MYRFL: variants seen among roughly 807,000 people sequenced by gnomAD.
MYRFL encodes myelin regulatory factor-like protein.
In MYRFL, 88 loss-of-function variants were observed where a neutral mutation model predicts 109.4. The ratio of observed to expected loss-of-function variants is 0.80; its 90% CI spans 0.68 to 0.96. The LOEUF (loss-of-function observed/expected upper bound fraction) is 0.96. Ranked by LOEUF, MYRFL falls within the 40% of genes least tolerant of loss-of-function variation. The pLI, the probability that MYRFL is intolerant of heterozygous loss-of-function variation, is 0.00. For synonymous variants in MYRFL, 324 were observed against 320.9 expected (o/e 1.01, Z -0.10); for missense variants, 957 against 954.9 (o/e 1.00, Z -0.03).
rs149327858 is a variant in MYRFL, at chr12:69,928,659, A to G, written c.1830+911A>G. On this transcript the variant is annotated intron_variant, in intron 15 of 24. Coordinates refer to ENST00000552032, the MANE Select transcript of MYRFL (RefSeq NM_182530.3). The stretch of plus-strand genomic sequence containing the variant: ...AACACAAATACCCAGGTAAAAATAT[A>G]CGTAGAAGTGCTCTGGGGCAAGTTA... 3.3e-4 allele frequency among the ~76,000 whole-genome samples: 51 copies of G among 152,350 alleles called. No individual in the cohort carries two copies. The East Asian group carries it at 5.4e-3, about 16-fold the overall frequency.
Position 69,840,079 on chromosome 12 carries a change from A to G in MYRFL, c.46+14516A>G, listed in dbSNP as rs1346212248. Among the ~76,000 whole-genome samples, 4 of 152,330 alleles carry G rather than the reference A, an allele frequency of 2.6e-5. No individual in the cohort carries two copies. In the South Asian group the frequency reaches 6.2e-4, roughly 24 times the overall value. ...AAATTTCCCCATATTATATTTACAT[A>G]ATTAGAAAAACCGATGCAAACATGT... On this transcript the variant is annotated intron_variant, in intron 1 of 24. Transcript: ENST00000552032.
chr12:69,931,743 C>T (rs753721198), intron 15 of MYRFL, among the ~76,000 whole-genome samples: 21 of 152,166 alleles, frequency 1.4e-4, no homozygotes, highest in Non-Finnish European at 2.5e-4. Context: ...GGGCAGAAAA[C>T]TTCTATCTCT....
chr12:69,845,804 A>C (rs1883496250), intron 1 of MYRFL, among the ~76,000 whole-genome samples: 4 of 152,050 alleles, frequency 2.6e-5, no homozygotes, highest in Admixed American at 6.5e-5. Context: ...AAAAAAAAAA[A>C]AAAAAACCTT....
chr12:69,932,883 T>TG (rs1555257501), intron 16 of MYRFL, among the ~76,000 whole-genome samples: 51 of 52,692 alleles, frequency 9.7e-4, no homozygotes, highest in African/African-American at 2.4e-3. Flanking sequence ...GTGTGTGTGT[T>TG]TGTGTGTGTG....
At chr12:69,906,227 T>A (rs1421769989) in intron 11 of MYRFL, among the ~76,000 whole-genome samples, 1 of 152,126 alleles carries the variant, frequency 6.6e-6, no homozygotes, top group Non-Finnish European at 1.5e-5. Context: ...GTGGGGGAGA[T>A]CTCTGATGCT....
At chr12:69,854,205 C>T (rs1051995631) in intron 1 of MYRFL, among the ~76,000 whole-genome samples, 1 of 152,006 alleles carries the variant, frequency 6.6e-6, no homozygotes, top group African/African-American at 2.4e-5. Flanking sequence ...ACCAGTCAGG[C>T]GTGGCGGCGC....
intron 2 of MYRFL, among the ~76,000 whole-genome samples, chr12:69,863,173 TG>T (rs1320115234): frequency 2.0e-5 from 3 of 152,152 alleles, no homozygotes; most frequent in Non-Finnish European, 4.4e-5. Flanking sequence ...TGAGGATTTT[TG>T]CATCAGTGTT....
Position 69,885,146 on chromosome 12 carries a change from T to C in MYRFL, c.557-1674T>C, listed in dbSNP as rs11177925. ...AAAATATTTTAGACCACTTAGCTTT[T>C]GGAGGAGTGAGAGCACGAAGAGCTC... On this transcript the variant is annotated intron_variant, in intron 5 of 24. Coordinates refer to ENST00000552032, the MANE Select transcript of MYRFL (RefSeq NM_182530.3). Among the ~76,000 whole-genome samples, 63 of 152,300 alleles carry C rather than the reference T, an allele frequency of 4.1e-4. No homozygotes were observed. The East Asian group carries it at 0.012, about 29-fold the overall frequency.
intron 1 of MYRFL, among the ~76,000 whole-genome samples, chr12:69,843,784 G>A (rs958360959): frequency 6.6e-6 from 1 of 152,226 alleles, no homozygotes; most frequent in Non-Finnish European, 1.5e-5. Context: ...CAGAGAATGA[G>A]GGTGAGGAAG....
chr12:69,847,119 T>C (rs1275269266), intron 1 of MYRFL, among the ~76,000 whole-genome samples: 2 of 152,166 alleles, frequency 1.3e-5, no homozygotes, highest in African/African-American at 2.4e-5. Flanking sequence ...TTGGTAATTG[T>C]CTGGTGGGGT....
intron 1 of MYRFL, among the ~76,000 whole-genome samples, chr12:69,831,943 T>C (rs759580209): frequency 1.3e-5 from 2 of 152,122 alleles, no homozygotes; most frequent in Non-Finnish European, 2.9e-5. Flanking sequence ...GCAGGCTAGG[T>C]TGTCTTTGGT....
chr12:69,850,502 C>T (rs149450412), intron 1 of MYRFL, among the ~76,000 whole-genome samples: 1 of 151,688 alleles, frequency 6.6e-6, no homozygotes, highest in African/African-American at 2.4e-5. Flanking sequence ...AGGATTCTTC[C>T]AAGATTAAGG....
intron 1 of MYRFL, among the ~76,000 whole-genome samples, chr12:69,839,482 T>G (rs1883126243): frequency 6.6e-6 from 1 of 152,210 alleles, no homozygotes; most frequent in Non-Finnish European, 1.5e-5. Flanking sequence ...ATGTTTTTCT[T>G]CAACTCTACA....
At chr12:69,863,199 G>A (rs1283765731) in intron 2 of MYRFL, among the ~76,000 whole-genome samples, 1 of 152,112 alleles carries the variant, frequency 6.6e-6, no homozygotes, top group African/African-American at 2.4e-5. Context: ...AAGGATATTG[G>A]TCTAAAATTC....
At chr12:69,899,411 A>C (rs1233540294) in intron 10 of MYRFL, among the ~76,000 whole-genome samples, 1 of 151,660 alleles carries the variant, frequency 6.6e-6, no homozygotes, top group African/African-American at 2.4e-5. Flanking sequence ...ACAGGTGCAT[A>C]CAAATGGGTT....
intron 23 of MYRFL, 51 bp downstream of exon 23, chr12:69,957,993 CA>C (rs1393905566): frequency 1.3e-6 from 2 of 1,501,692 alleles, no homozygotes; most frequent in African/African-American, 2.8e-5. Context: ...ATACATTGAG[CA>C]AATTGCCAGT....
In MYRFL at chr12:69,902,160, C is replaced by G. The variant is rs187059856; in HGVS notation, c.1183-1484C>G. On this transcript the variant is annotated intron_variant, in intron 10 of 24. Coordinates refer to ENST00000552032, the MANE Select transcript of MYRFL (RefSeq NM_182530.3). ...CCACACACCTCAGCCTCCCAAAGTG[C>G]TGGGATTACAGGTGTGAGCCACCAC... Among the ~76,000 whole-genome samples the G allele has an allele frequency of 1.8e-4, 28 of 152,258 alleles. 1 individual carries two copies. In the Middle Eastern group the frequency reaches 0.01, roughly 55 times the overall value.
chr12:69,878,986 C>T (rs1356583679), intron 2 of MYRFL, 42 bp from the exon 3 acceptor site: 1 of 702,690 alleles, frequency 1.4e-6, no homozygotes, highest in Non-Finnish European at 2.6e-6. Context: ...CTATAATGGA[C>T]TAGAGTGAAA....
rs1221555327 is a variant in MYRFL, at chr12:69,901,591, T to C, written c.1183-2053T>C. Among the ~76,000 whole-genome samples, 4 of 152,246 alleles carry C rather than the reference T, an allele frequency of 2.6e-5. No homozygotes were observed. In the South Asian group the frequency reaches 6.2e-4, roughly 24 times the overall value. The stretch of plus-strand genomic sequence containing the variant: ...ATAATAACTATCCCAAAGCTCATTA[T>C]GAAAAAATTCATCACTGTCTTATTT... On this transcript the variant is annotated intron_variant, in intron 10 of 24. Coordinates refer to ENST00000552032, the MANE Select transcript of MYRFL (RefSeq NM_182530.3).
Sources: gnomAD v4.1 joint callset for allele counts (sites outside exome capture counted in the v4.1 genomes callset) on GRCh38, gnomAD v4.1.1 for gene constraint, MANE v1.5 for transcripts, NCBI Gene and HGNC (gene_info 2026-07-23, HGNC 2026-07-21) for gene names.